CORO1C: variants seen among roughly 807,000 people sequenced by gnomAD.
CORO1C encodes coronin 1C.
A neutral mutation model predicts 51.2 loss-of-function variants in CORO1C; 14 were observed. That is an observed-to-expected ratio of 0.27 (90% CI 0.18 to 0.43). The LOEUF (loss-of-function observed/expected upper bound fraction) is 0.43. Among genes scored for constraint, CORO1C ranks in the 20% least tolerant of loss-of-function variants. CORO1C has a pLI of 1.00. For synonymous variants in CORO1C, 181 were observed against 210.5 expected (o/e 0.86, Z 1.21); for missense variants, 417 against 607.8 (o/e 0.69, Z 3.30).
chr12:108,705,615 T>C (rs972214053), intron 1 of CORO1C, among the ~76,000 whole-genome samples: 5 of 152,080 alleles, frequency 3.3e-5, no homozygotes, highest in African/African-American at 1.2e-4. Flanking sequence ...ACTTTCAAAC[T>C]AATTGTATGA....
In CORO1C at chr12:108,658,664, C is replaced by T; in HGVS notation, c.630+74G>A. 1 of 1,507,090 alleles carries T rather than the reference C, an allele frequency of 6.6e-7. No individual in the cohort carries two copies. Among genetic ancestry groups the T allele is most frequent in the Non-Finnish European group, 9.1e-7 (1 of 1,094,328 alleles). The allele number at this position is 1,507,090 out of a possible 1,614,324, so 93.4% of individuals were successfully genotyped here. A position where few individuals can be genotyped will look rare whatever the true frequency, so the allele number is the denominator to read the frequency against. On this transcript the variant is annotated intron_variant, in intron 5 of 10. Coordinates refer to ENST00000261401, the MANE Select transcript of CORO1C (RefSeq NM_014325.4). This position sits in a 1 kb window ranked among gnomAD's most constrained non-coding sequence, Gnocchi z 4.9. ...GGGTCCCACTGACCAGTACCGCTGCCTGCCTTAAAAAGCAGAAAGCTCACA... is the reference window on the plus strand; with the variant it reads ...GGGTCCCACTGACCAGTACCGCTGCTTGCCTTAAAAAGCAGAAAGCTCACA...
At chr12:108,719,131 A>G (rs2035412154) in intron 1 of CORO1C, among the ~76,000 whole-genome samples, 1 of 152,254 alleles carries the variant, frequency 6.6e-6, no homozygotes, top group Admixed American at 6.5e-5. Flanking sequence ...CTTGAAAATT[A>G]TAATCTTTAA....
intron 1 of CORO1C, among the ~76,000 whole-genome samples, chr12:108,714,240 T>C (rs191885791): frequency 5.1e-4 from 78 of 151,678 alleles, no homozygotes; most frequent in Middle Eastern, 3.4e-3. Context: ...AATACAAAAA[T>C]TAGCAGGGCG....
intron 2 of CORO1C, among the ~76,000 whole-genome samples, chr12:108,686,606 A>G (rs572075294): frequency 8.5e-5 from 13 of 152,338 alleles, no homozygotes; most frequent in African/African-American, 3.1e-4. Flanking sequence ...ATTTTGATTC[A>G]TTGATTACTT....
At chr12:108,667,849 T>C (rs572788048) in intron 3 of CORO1C, among the ~76,000 whole-genome samples, 1 of 152,310 alleles carries the variant, frequency 6.6e-6, no homozygotes, top group African/African-American at 2.4e-5. Flanking sequence ...TGTGAAAGCC[T>C]GGATATGGAA....
chr12:108,661,304 T>C (rs972947036), intron 4 of CORO1C, among the ~76,000 whole-genome samples: 4 of 152,208 alleles, frequency 2.6e-5, no homozygotes, highest in African/African-American at 7.2e-5. Flanking sequence ...AAATGAGGTA[T>C]ATCCAGAAAA....
At chr12:108,650,743 C>T (rs1485072649) in intron 8 of CORO1C, among the ~76,000 whole-genome samples, 2 of 152,206 alleles carry the variant, frequency 1.3e-5, no homozygotes, top group Admixed American at 6.5e-5. Flanking sequence ...CTTCATAAAT[C>T]GGAGACATTC....
In CORO1C at chr12:108,658,277, C is replaced by T. The variant is rs1077167; in HGVS notation, c.630+461G>A. Reference sequence around the variant, plus strand: ...GCCAGGCTGGTCTCAAACTCCTGACCTCAAATGATCCACCCACCTCGGCCT... The same window carrying T: ...GCCAGGCTGGTCTCAAACTCCTGACTTCAAATGATCCACCCACCTCGGCCT... On this transcript the variant is annotated intron_variant, in intron 5 of 10. Transcript: ENST00000261401. The surrounding 1 kb of genome is among the most constrained non-coding windows in gnomAD (Gnocchi z 4.9). 1.6e-4 allele frequency among the ~76,000 whole-genome samples: 25 copies of T among 152,162 alleles called. 2 individuals are homozygous for T. In the South Asian group the frequency reaches 4.6e-3, roughly 28 times the overall value.
At chr12:108,695,851 TAAAAAAAA>T (rs924887183) in intron 2 of CORO1C, among the ~76,000 whole-genome samples, 1 of 62,452 alleles carries the variant, frequency 1.6e-5, no homozygotes, top group Non-Finnish European at 3.3e-5. Context: ...TTGGGAGAAC[TAAAAAAAA>T]AAAAAAAAAA....
At chr12:108,667,367 G>A (rs944531816) in intron 3 of CORO1C, among the ~76,000 whole-genome samples, 3 of 152,202 alleles carry the variant, frequency 2.0e-5, no homozygotes, top group Admixed American at 6.5e-5. Context: ...CTACAGACTG[G>A]TACTGTAATA....
intron 3 of CORO1C, among the ~76,000 whole-genome samples, chr12:108,673,966 C>T (rs1373268821): frequency 6.6e-6 from 1 of 151,922 alleles, no homozygotes; most frequent in Non-Finnish European, 1.5e-5. Context: ...TGAATGACAG[C>T]ACATCTGTTT....
At chr12:108,688,495 C>T (rs1350038815) in intron 2 of CORO1C, among the ~76,000 whole-genome samples, 1 of 152,218 alleles carries the variant, frequency 6.6e-6, no homozygotes, top group Non-Finnish European at 1.5e-5. Flanking sequence ...ATATGTCCTA[C>T]ATATTACAAA....
At chr12:108,689,654 C>A (rs2034428791) in intron 2 of CORO1C, among the ~76,000 whole-genome samples, 1 of 152,228 alleles carries the variant, frequency 6.6e-6, no homozygotes. Flanking sequence ...AGCCCCCACC[C>A]CATCCTGGGG....
chr12:108,651,012 G>A (rs2032624297), intron 8 of CORO1C, among the ~76,000 whole-genome samples: 1 of 152,144 alleles, frequency 6.6e-6, no homozygotes, highest in Non-Finnish European at 1.5e-5. Context: ...AGGCTGGAGT[G>A]CAGTGGCACC....
In CORO1C at chr12:108,654,405, A is replaced by T. The variant is rs1455798846; in HGVS notation, c.756T>A (p.Asn252Lys). 6.2e-7 allele frequency: 1 copy of T among 1,601,644 alleles called. No homozygotes were observed. Among genetic ancestry groups the T allele is most frequent in the South Asian group, 1.1e-5 (1 of 90,450 alleles). ...ERQLALWNPK[N>K]MQEPIALHEM... is the part of the protein sequence containing the mutation. ...CATGAAGAGCAATTGGTTCCTGCATATTTTTCTGGGGGGAAGATAATAATA... is the reference window on the plus strand; with the variant it reads ...CATGAAGAGCAATTGGTTCCTGCATTTTTTTCTGGGGGGAAGATAATAATA... The change falls in exon 7 of 11, where the codon AAT becomes AAA. Residue 252 changes from asparagine to lysine, a missense_variant. Transcript: ENST00000261401.
At chr12:108,691,452 G>A (rs2034492198) in intron 2 of CORO1C, among the ~76,000 whole-genome samples, 1 of 152,210 alleles carries the variant, frequency 6.6e-6, no homozygotes, top group African/African-American at 2.4e-5. Context: ...CGGAGATACA[G>A]CAGCTTTCCC....
At chr12:108,706,361 A>T (rs932761108) in intron 1 of CORO1C, among the ~76,000 whole-genome samples, 1 of 152,182 alleles carries the variant, frequency 6.6e-6, no homozygotes, top group Non-Finnish European at 1.5e-5. Context: ...TCTCCCTGAG[A>T]TCAAGAATAA....
At chr12:108,691,263 T>G (rs1376249577) in intron 2 of CORO1C, among the ~76,000 whole-genome samples, 1 of 152,018 alleles carries the variant, frequency 6.6e-6, no homozygotes, top group Non-Finnish European at 1.5e-5. Context: ...AGCTCATTCT[T>G]CCCCAGACTC....
rs181628591 is a variant in CORO1C, at chr12:108,724,420, G to A, written c.-6+7009C>T. Among the ~76,000 whole-genome samples the A allele has an allele frequency of 1.4e-4, 21 of 152,306 alleles. No homozygotes were observed. In the East Asian group the frequency reaches 3.7e-3, roughly 27 times the overall value. ...CAAAGGAAGGGGCAGTTAAGTTCCT[G>A]ATCTTGGGTAAATCTGTCAAGCTCC... On this transcript the variant is annotated intron_variant, in intron 1 of 10. Transcript: ENST00000261401.
Sources: allele counts gnomAD v4.1 joint callset (sites outside exome capture counted in the v4.1 genomes callset), GRCh38; gene constraint gnomAD v4.1.1; non-coding constraint Gnocchi (gnomAD v3.1); transcripts MANE v1.5; gene names NCBI Gene and HGNC (gene_info 2026-07-23, HGNC 2026-07-21).